Variants in DPP10 observed in about 807,000 individuals in gnomAD.
DPP10 encodes dipeptidyl peptidase like 10.
DPP10 carries 33 observed loss-of-function variants against 120.9 expected under a neutral mutation model. The observed-to-expected ratio is 0.27, with a 90% CI of 0.21 to 0.37. The LOEUF (loss-of-function observed/expected upper bound fraction) is 0.37. DPP10 is among the 10% of genes least tolerant of loss of function. DPP10 has a pLI of 1.00. For missense variants in DPP10, 816 were observed against 942.8 expected, an observed-to-expected ratio of 0.87 and a Z score of 1.76; for synonymous variants, 337 against 326.1, an observed-to-expected ratio of 1.03 and a Z score of -0.36.
intron 1 of DPP10, among the ~76,000 whole-genome samples, chr2:115,301,517 A>G (rs546338106): frequency 1.3e-5 from 2 of 150,924 alleles, no homozygotes; most frequent in Non-Finnish European, 2.9e-5. Context: ...AAGGTGGCGC[A>G]AGCACAAGCA....
chr2:114,954,080 C>CTT (rs66485866), intron 1 of DPP10, among the ~76,000 whole-genome samples: 43,101 of 121,950 alleles, frequency 0.35, 8,964 homozygotes, highest in Non-Finnish European at 0.39. Context: ...TTAAGAAGTC[C>CTT]TTTTTTTTTT....
chr2:115,503,569 T>C (rs978249577), intron 4 of DPP10, among the ~76,000 whole-genome samples: 15 of 152,176 alleles, frequency 9.9e-5, no homozygotes, highest in Admixed American at 2.0e-4. Context: ...ATTGGCCACG[T>C]AGCCTCACAT....
chr2:114,664,069 C>T (rs1462749830), intron 1 of DPP10, among the ~76,000 whole-genome samples: 1 of 151,916 alleles, frequency 6.6e-6, no homozygotes, highest in Non-Finnish European at 1.5e-5. Context: ...ATATTTTAAA[C>T]TTGAGATACC....
rs529521349 is a variant in DPP10, at chr2:115,646,052, TCA to T, written c.442-43623_442-43622del. Among the ~76,000 whole-genome samples, 5 of 151,708 alleles carry T rather than the reference TCA, an allele frequency of 3.3e-5. No homozygotes were observed. In the South Asian group the frequency reaches 1.0e-3, roughly 31 times the overall value. On this transcript the variant is annotated intron_variant, in intron 5 of 25. Transcript: ENST00000410059. The stretch of plus-strand genomic sequence containing the variant: ...ATACACATATATATTTCACTTCCCA[TCA>T]CACACACACACGCACATGCACATAC...
chr2:114,660,501 G>A (rs1418967353), intron 1 of DPP10, among the ~76,000 whole-genome samples: 2 of 152,090 alleles, frequency 1.3e-5, no homozygotes, highest in Non-Finnish European at 2.9e-5. Flanking sequence ...GACTCACTCA[G>A]TACTTAGTAT....
At chr2:115,094,735 A>T (rs1709572071) in intron 1 of DPP10, among the ~76,000 whole-genome samples, 1 of 152,196 alleles carries the variant, frequency 6.6e-6, no homozygotes. Context: ...TACTTAGCTA[A>T]TAGTGGCAAG....
intron 1 of DPP10, among the ~76,000 whole-genome samples, chr2:114,672,820 A>C (rs1698431907): frequency 6.6e-6 from 1 of 152,172 alleles, no homozygotes; most frequent in South Asian, 2.1e-4. Context: ...CCTGTGACAG[A>C]TCTACCAGTT....
intron 5 of DPP10, among the ~76,000 whole-genome samples, chr2:115,673,049 A>G (rs1575492516): frequency 6.6e-6 from 1 of 152,052 alleles, no homozygotes; most frequent in Admixed American, 6.6e-5. Context: ...GCGCCCGACT[A>G]TCATGGCTTA....
intron 7 of DPP10, among the ~76,000 whole-genome samples, chr2:115,706,846 A>C (rs1167217939): frequency 6.6e-6 from 1 of 151,898 alleles, no homozygotes; most frequent in African/African-American, 2.4e-5. Flanking sequence ...CATGCAGATA[A>C]CTCCCCAAAG....
chr2:114,498,331 C>T (rs924899385), intron 1 of DPP10, among the ~76,000 whole-genome samples: 2 of 152,142 alleles, frequency 1.3e-5, no homozygotes, highest in African/African-American at 4.8e-5. Flanking sequence ...CCTCCCCCTC[C>T]CCTGCCAGGC....
At chr2:115,683,784 C>A (rs1193874000) in intron 5 of DPP10, among the ~76,000 whole-genome samples, 1 of 151,892 alleles carries the variant, frequency 6.6e-6, no homozygotes, top group Non-Finnish European at 1.5e-5. Flanking sequence ...AATGGTGGTG[C>A]AATTGAAGAA....
chr2:115,837,574 C>T (rs1288711519), intron 24 of DPP10, among the ~76,000 whole-genome samples: 1 of 152,130 alleles, frequency 6.6e-6, no homozygotes, highest in Admixed American at 6.5e-5. Flanking sequence ...TGATTTGCTT[C>T]AAGGGTACTA....
At chr2:114,494,686 A>G (rs1682348295) in intron 1 of DPP10, among the ~76,000 whole-genome samples, 1 of 152,164 alleles carries the variant, frequency 6.6e-6, no homozygotes, top group Non-Finnish European at 1.5e-5. Flanking sequence ...GGAGTGACAT[A>G]CCATGGCTTT....
At chr2:115,110,881 A>G (rs1342438569) in intron 1 of DPP10, among the ~76,000 whole-genome samples, 12 of 152,056 alleles carry the variant, frequency 7.9e-5, no homozygotes, top group Non-Finnish European at 1.0e-4. Context: ...CCTTTCCTGG[A>G]GCTTGTTTAT....
chr2:114,871,023 C>T (rs1690649058), intron 1 of DPP10, among the ~76,000 whole-genome samples: 1 of 133,454 alleles, frequency 7.5e-6, no homozygotes, highest in African/African-American at 2.6e-5. Flanking sequence ...CAGCATCCCT[C>T]TGCTTTTCTT....
chr2:115,047,412 A>T (rs563025815), intron 1 of DPP10, among the ~76,000 whole-genome samples: 2 of 152,148 alleles, frequency 1.3e-5, no homozygotes, highest in Non-Finnish European at 2.9e-5. Context: ...GATTGAAAAA[A>T]ACAGTGTATT....
At chr2:114,848,303 A>G (rs948014214) in intron 1 of DPP10, among the ~76,000 whole-genome samples, 4 of 152,190 alleles carry the variant, frequency 2.6e-5, no homozygotes, top group African/African-American at 9.7e-5. Context: ...GCCAAAGCTA[A>G]GAATATAATA....
At chr2:114,455,748 A>T (rs748861609) in intron 1 of DPP10, among the ~76,000 whole-genome samples, 41 of 135,326 alleles carry the variant, frequency 3.0e-4, no homozygotes, top group Non-Finnish European at 5.6e-4. Context: ...TTTTTTTACC[A>T]TTTTCATGCT....
chr2:115,673,772 CA>C, intron 5 of DPP10, among the ~76,000 whole-genome samples: 1 of 152,190 alleles, frequency 6.6e-6, no homozygotes, highest in Non-Finnish European at 1.5e-5. Flanking sequence ...GATTGTAAAA[CA>C]TCTGTTGAGA....
Sources: gnomAD v4.1 joint callset for allele counts (sites outside exome capture counted in the v4.1 genomes callset) on GRCh38, gnomAD v4.1.1 for gene constraint, MANE v1.5 for transcripts, NCBI Gene and HGNC (gene_info 2026-07-23, HGNC 2026-07-21) for gene names.